Variants in IL15RA observed in about 807,000 individuals in gnomAD.
The protein encoded by IL15RA is interleukin-15 receptor subunit alpha.
In IL15RA, 26 loss-of-function variants were observed where a neutral mutation model predicts 24.2. That is an observed-to-expected ratio of 1.07 (90% confidence interval 0.79 to 1.49). The LOEUF (loss-of-function observed/expected upper bound fraction) is 1.49, where lower values mean the gene tolerates loss of function less well. IL15RA is among the 40% of genes most tolerant of loss of function. The pLI is 0.00. For missense variants in IL15RA, 354 were observed against 356.4 expected, an observed-to-expected ratio of 0.99 and a Z score of 0.05; for synonymous variants, 166 against 157.6, an observed-to-expected ratio of 1.05 and a Z score of -0.40.
downstream of IL15RA, chr10:5,949,202 T>C: frequency 2.1e-6 from 1 of 471,166 alleles, no homozygotes; most frequent in Non-Finnish European, 4.4e-6. The surrounding 1 kb of genome is among the most constrained non-coding windows in gnomAD (Gnocchi z 4.4). Context: ...AGCCTTGTAA[T>C]TGACAGAGAG....
rs1001202919 is a variant in IL15RA at position 5,970,013 on chromosome 10, CTG to C, written c.89-3676_89-3675del. On this transcript the variant is annotated intron_variant, in intron 1 of 6. Transcript: ENST00000379977. This position sits in a 1 kb window ranked among gnomAD's most constrained non-coding sequence, Gnocchi z 4.1. ...ATATTGATTTTTTGGTGTCTTGACT[CTG>C]TATTCTGCACCCTTGTAAACTCACT... Among the ~76,000 whole-genome samples the C allele has an allele frequency of 6.6e-6, 1 of 152,102 alleles. No homozygotes were observed. The highest frequency in any genetic ancestry group is 1.5e-5 in the Non-Finnish European group (1 of 68,030).
In IL15RA at chr10:5,966,328, G is replaced by A. The variant is rs779212687; in HGVS notation, c.100C>T (p.Pro34Ser). 11 of 1,606,230 alleles carry A rather than the reference G, an allele frequency of 6.8e-6. No individual in the cohort carries two copies. In the African/African-American group the frequency reaches 1.3e-4, roughly 20 times the overall value. ...RPPATRGITC[P>S]PPMSVEHADI... Reference sequence around the variant, plus strand: ...GCGTGTTCCACGGACATGGGGGGAGGGCACGTGATGCCTGCGAAAGTGCAG... The same window carrying A: ...GCGTGTTCCACGGACATGGGGGGAGAGCACGTGATGCCTGCGAAAGTGCAG... The change falls in exon 2 of 7, where the codon CCT becomes TCT. Residue 34 changes from proline (P) to serine (S), a missense_variant. Transcript: ENST00000379977. The surrounding 1 kb of genome is among the most constrained non-coding windows in gnomAD (Gnocchi z 6.4).
chr10:5,951,141 C>CAAAAA (rs60771366), downstream of IL15RA, among the ~76,000 whole-genome samples: 20 of 35,952 alleles, frequency 5.6e-4, no homozygotes, highest in Middle Eastern at 0.038. Flanking sequence ...GACTCAGTCT[C>CAAAAA]AAAAAAAAAA....
rs565303120 is a variant in IL15RA, at chr10:5,961,938, T to C, written c.383-1371A>G. 1.6e-4 allele frequency among the ~76,000 whole-genome samples: 25 copies of C among 152,262 alleles called. No homozygotes were observed. The highest frequency in any genetic ancestry group is 6.0e-4 in the African/African-American group (25 of 41,546). Reference sequence around the variant, plus strand: ...CTTGCCCTACGCTCACTGCCAATGCTCCAGGGCTCCCTGCACAGGACGCAC... The same window carrying C: ...CTTGCCCTACGCTCACTGCCAATGCCCCAGGGCTCCCTGCACAGGACGCAC... On this transcript the variant is annotated intron_variant, in intron 3 of 6. Transcript: ENST00000379977. This position sits in a 1 kb window ranked among gnomAD's most constrained non-coding sequence, Gnocchi z 5.2.
At chr10:5,951,140 T>C (rs1833836300), downstream of IL15RA, among the ~76,000 whole-genome samples, 1 of 32,106 alleles carries the variant, frequency 3.1e-5, no homozygotes, top group Non-Finnish European at 5.1e-5. Flanking sequence ...AGACTCAGTC[T>C]CAAAAAAAAA....
chr10:5,978,623 G>T (rs1347120186), upstream of IL15RA, among the ~76,000 whole-genome samples: 1 of 152,150 alleles, frequency 6.6e-6, no homozygotes, highest in African/African-American at 2.4e-5. The surrounding 1 kb of genome is among the most constrained non-coding windows in gnomAD (Gnocchi z 5.2). Context: ...AGGGCCGAGC[G>T]CGGTGGCCAC....
In IL15RA at chr10:5,953,184, C is replaced by A. The variant is rs141171117; in HGVS notation, c.715G>T (p.Val239Phe). ...KSRQTPPLAS[V>F]EMEAMEALPV... is the part of the protein sequence containing the mutation. ...AGAGCCTCCATGGCTTCCATTTCAACGCTGGCCAGCGGGGGAGTTTGCCTG... is the reference window on the plus strand; with the variant it reads ...AGAGCCTCCATGGCTTCCATTTCAAAGCTGGCCAGCGGGGGAGTTTGCCTG... The change falls in exon 7 of 7, where the codon GTT becomes TTT. Residue 239 changes from valine (V) to phenylalanine (F), a missense_variant. Transcript: ENST00000379977. This position sits in a 1 kb window ranked among gnomAD's most constrained non-coding sequence, Gnocchi z 5.3. 1 of 1,614,154 alleles carries A rather than the reference C, an allele frequency of 6.2e-7. No individual in the cohort carries two copies. Among genetic ancestry groups the A allele is most frequent in the East Asian group, 2.2e-5 (1 of 44,880 alleles).
rs572228172 is a variant in IL15RA, at chr10:5,967,570, G to C, written c.89-1231C>G. On this transcript the variant is annotated intron_variant, in intron 1 of 6. Transcript: ENST00000379977. This position sits in a 1 kb window ranked among gnomAD's most constrained non-coding sequence, Gnocchi z 4.4. ...CCCATGAAGCATCATTTTCCCAAAGGCTGCTGTTGCTTTCAGCTCTGGTTG... is the reference window on the plus strand; with the variant it reads ...CCCATGAAGCATCATTTTCCCAAAGCCTGCTGTTGCTTTCAGCTCTGGTTG... 1.8e-4 allele frequency among the ~76,000 whole-genome samples: 28 copies of C among 152,336 alleles called. No individual in the cohort carries two copies. Among genetic ancestry groups the C allele is most frequent in the African/African-American group, 6.3e-4 (26 of 41,570 alleles).
chr10:5,949,866 C>T (rs1247771584), downstream of IL15RA, among the ~76,000 whole-genome samples: 12 of 152,112 alleles, frequency 7.9e-5, no homozygotes, highest in Non-Finnish European at 1.5e-4. This position sits in a 1 kb window ranked among gnomAD's most constrained non-coding sequence, Gnocchi z 4.4. Flanking sequence ...GAGGCTGAGG[C>T]GGTTGGATCA....
Position 5,959,741 on chromosome 10 carries a change from G to T in IL15RA, c.616+13C>A, listed in dbSNP as rs1191598219. 6.2e-7 allele frequency: 1 copy of T among 1,612,978 alleles called. No individual in the cohort carries two copies. The highest frequency in any genetic ancestry group is 8.5e-7 in the Non-Finnish European group (1 of 1,179,312). ...CCTGATCATAAACATACCGGACAAA[G>T]GGACACACTTACCAGTGGTGTCGCT... On this transcript the variant is annotated intron_variant, in intron 5 of 6. Transcript: ENST00000379977. The surrounding 1 kb of genome is among the most constrained non-coding windows in gnomAD (Gnocchi z 4.1).
Position 5,970,233 on chromosome 10 carries a change from T to A in IL15RA, c.89-3894A>T, listed in dbSNP as rs2132622179. Reference sequence around the variant, plus strand: ...TACCTTATCACAGTTTTCCTTCCGGTGATGTTATACCACCACATACATATC... The same window carrying A: ...TACCTTATCACAGTTTTCCTTCCGGAGATGTTATACCACCACATACATATC... On this transcript the variant is annotated intron_variant, in intron 1 of 6. Transcript: ENST00000379977. This position sits in a 1 kb window ranked among gnomAD's most constrained non-coding sequence, Gnocchi z 4.1. Among the ~76,000 whole-genome samples, 1 of 152,320 alleles carries A rather than the reference T, an allele frequency of 6.6e-6. No homozygotes were observed. Among genetic ancestry groups the A allele is most frequent in the African/African-American group, 2.4e-5 (1 of 41,568 alleles).
At position 5,961,337 on chromosome 10, in the gene IL15RA, G is replaced by A. The variant is rs970437976; in HGVS notation, c.383-770C>T. ...GAGAATCACCTTAGCCTAGGAGTTTGAGGCTGCAGTGACCTATAATTGAGC... is the reference window on the plus strand; with the variant it reads ...GAGAATCACCTTAGCCTAGGAGTTTAAGGCTGCAGTGACCTATAATTGAGC... On this transcript the variant is annotated intron_variant, in intron 3 of 6. Transcript: ENST00000379977. This position sits in a 1 kb window ranked among gnomAD's most constrained non-coding sequence, Gnocchi z 5.2. Among the ~76,000 whole-genome samples, 2 of 152,318 alleles carry A rather than the reference G, an allele frequency of 1.3e-5. No individual in the cohort carries two copies. Among genetic ancestry groups the A allele is most frequent in the African/African-American group, 4.8e-5 (2 of 41,566 alleles).
chr10:5,952,103 A>G (rs1833917651), downstream of IL15RA, among the ~76,000 whole-genome samples: 1 of 152,236 alleles, frequency 6.6e-6, no homozygotes, highest in Non-Finnish European at 1.5e-5. Flanking sequence ...TGTCAAAAAC[A>G]GCAAAGAAAG....
chr10:5,965,573 C>T lies in IL15RA; in HGVS notation c.283+572G>A, dbSNP rs941061251. 1.3e-5 allele frequency among the ~76,000 whole-genome samples: 2 copies of T among 152,238 alleles called. No homozygotes were observed. The highest frequency in any genetic ancestry group is 4.8e-5 in the African/African-American group (2 of 41,456). Reference sequence around the variant, plus strand: ...TCAAGTCCGTTTTCCAGATGACCAGCCAGAGTGCCAGAATATCACAAGAGC... The same window carrying T: ...TCAAGTCCGTTTTCCAGATGACCAGTCAGAGTGCCAGAATATCACAAGAGC... On this transcript the variant is annotated intron_variant, in intron 2 of 6. Transcript: ENST00000379977. This position sits in a 1 kb window ranked among gnomAD's most constrained non-coding sequence, Gnocchi z 5.8.
intron 1 of IL15RA, among the ~76,000 whole-genome samples, chr10:5,976,150 A>G (rs1838417654): frequency 6.6e-6 from 1 of 152,148 alleles, no homozygotes; most frequent in Admixed American, 6.5e-5. Flanking sequence ...GGGTCCTGTG[A>G]CACTGCTAGC....
Position 5,968,544 on chromosome 10 carries a change from A to C in IL15RA, c.89-2205T>G. On this transcript the variant is annotated intron_variant, in intron 1 of 6. Coordinates refer to ENST00000379977, the MANE Select transcript of IL15RA (RefSeq NM_002189.4). This position sits in a 1 kb window ranked among gnomAD's most constrained non-coding sequence, Gnocchi z 5.4. ...GCTGATGGCGTGAGAGATGGAGTCG[A>C]TCTCACAAGTTGTTGAGGTGGATTT... 1 of 548,870 alleles carries C rather than the reference A, an allele frequency of 1.8e-6. No individual in the cohort carries two copies. Among genetic ancestry groups the C allele is most frequent in the South Asian group, 2.2e-5 (1 of 45,332 alleles). The allele number at this position is 548,870 out of a possible 1,614,324, so 34.0% of individuals were successfully genotyped here. A position where few individuals can be genotyped will look rare whatever the true frequency, so the allele number is the denominator to read the frequency against.
Position 5,959,666 on chromosome 10 carries a change from G to A in IL15RA, c.616+88C>T, listed in dbSNP as rs1835157005. On this transcript the variant is annotated intron_variant, in intron 5 of 6. Transcript: ENST00000379977. This position sits in a 1 kb window ranked among gnomAD's most constrained non-coding sequence, Gnocchi z 4.1. ...AGGGGCTGCTGTCAGGGCTGTGCTG[G>A]GGCAGCGGGCCTGGGCCAGGACCAC... 1.0e-5 allele frequency: 12 copies of A among 1,145,246 alleles called. No homozygotes were observed. The South Asian group carries it at 1.4e-4, about 13-fold the overall frequency. 70.9% of individuals were successfully genotyped at this position (1,145,246 alleles called of 1,614,324 possible).
rs771738909 is a variant in IL15RA, at chr10:5,960,576, G to C, written c.383-9C>G. 6.2e-7 allele frequency: 1 copy of C among 1,613,170 alleles called. No individual in the cohort carries two copies. The highest frequency in any genetic ancestry group is 1.1e-5 in the South Asian group (1 of 90,980). On this transcript the variant is annotated splice_polypyrimidine_tract_variant and intron_variant, in intron 3 of 6. Coordinates refer to ENST00000379977, the MANE Select transcript of IL15RA (RefSeq NM_002189.4). The surrounding 1 kb of genome is among the most constrained non-coding windows in gnomAD (Gnocchi z 5.1). ...AGATGAAGCTGCGGGCTCTGTAGGAGAGTCCAAGGCAGGGACAACATCAGT... is the reference window on the plus strand; with the variant it reads ...AGATGAAGCTGCGGGCTCTGTAGGACAGTCCAAGGCAGGGACAACATCAGT...
Position 5,958,064 on chromosome 10 carries a change from T to C in IL15RA, c.617-1610A>G. On this transcript the variant is annotated intron_variant, in intron 5 of 6. Coordinates refer to ENST00000379977, the MANE Select transcript of IL15RA (RefSeq NM_002189.4). This position sits in a 1 kb window ranked among gnomAD's most constrained non-coding sequence, Gnocchi z 4.3. ...TATGGATTTTCAATTAATGGCTGTT[T>C]GTAAGATAACAACAGAATGTAGCAA... is the stretch of plus-strand genomic sequence containing the variant. 4.7e-6 allele frequency: 1 copy of C among 214,624 alleles called. No homozygotes were observed. Among genetic ancestry groups the C allele is most frequent in the Non-Finnish European group, 9.7e-6 (1 of 102,816 alleles). The allele number at this position is 214,624 out of a possible 1,614,324, so 13.3% of individuals were successfully genotyped here. A position where few individuals can be genotyped will look rare whatever the true frequency, so the allele number is the denominator to read the frequency against.
Sources: allele counts gnomAD v4.1 joint callset (sites outside exome capture counted in the v4.1 genomes callset), GRCh38; gene constraint gnomAD v4.1.1; non-coding constraint Gnocchi (gnomAD v3.1); transcripts MANE v1.5; gene names NCBI Gene and HGNC (gene_info 2026-07-23, HGNC 2026-07-21).